NXPH1: variants seen among roughly 807,000 people sequenced by gnomAD.
The protein encoded by NXPH1 is neurexophilin 1.
Under a neutral mutation model 23.7 loss-of-function variants are expected in NXPH1, and 5 were observed. That is an observed-to-expected ratio of 0.21 (90% CI 0.11 to 0.44). The LOEUF (loss-of-function observed/expected upper bound fraction) is 0.44. Among genes scored for constraint, NXPH1 ranks in the 20% least tolerant of loss-of-function variants. The pLI is 0.99. For missense variants in NXPH1, 324 were observed against 321.6 expected, an observed-to-expected ratio of 1.01 and a Z score of -0.06; for synonymous variants, 144 against 122.2, an observed-to-expected ratio of 1.18 and a Z score of -1.18.
chr7:8,525,138 G>A (rs909322885), intron 2 of NXPH1, among the ~76,000 whole-genome samples: 1 of 151,916 alleles, frequency 6.6e-6, no homozygotes, highest in Non-Finnish European at 1.5e-5. Context: ...AAAATTTAGG[G>A]TGAGGTGGTC....
chr7:8,737,138 T>C (rs920433507), intron 2 of NXPH1, among the ~76,000 whole-genome samples: 1 of 152,152 alleles, frequency 6.6e-6, no homozygotes, highest in Non-Finnish European at 1.5e-5. Flanking sequence ...ACATTTAAAG[T>C]TAATATTGTT....
chr7:8,567,630 T>A (rs1036660204), intron 2 of NXPH1, among the ~76,000 whole-genome samples: 4 of 151,952 alleles, frequency 2.6e-5, no homozygotes, highest in African/African-American at 9.7e-5. Context: ...TTTAGACTTA[T>A]GCCACATCTT....
chr7:8,696,184 G>A (rs781454012), intron 2 of NXPH1, among the ~76,000 whole-genome samples: 10 of 152,178 alleles, frequency 6.6e-5, no homozygotes, highest in South Asian at 2.1e-4. Flanking sequence ...ACTAACTTAC[G>A]TTTTCTGGTG....
At chr7:8,516,978 T>C (rs547951544) in intron 2 of NXPH1, among the ~76,000 whole-genome samples, 5 of 152,268 alleles carry the variant, frequency 3.3e-5, no homozygotes, top group Non-Finnish European at 5.9e-5. Context: ...GGATTCATCA[T>C]TGAACATCTA....
intron 2 of NXPH1, among the ~76,000 whole-genome samples, chr7:8,529,699 A>G (rs866094080): frequency 6.6e-6 from 1 of 152,232 alleles, no homozygotes; most frequent in African/African-American, 2.4e-5. Flanking sequence ...AGCTTAGCTT[A>G]TAGGGATGCC....
rs77313639 is a variant in NXPH1 at position 8,711,026 on chromosome 7, C to A, written c.55-39982C>A. The stretch of plus-strand genomic sequence containing the variant: ...GGAAAGTAGATTTTATTTCCTACAT[C>A]TTTCTGCTATAGCTCTATCCTCAGC... On this transcript the variant is annotated intron_variant, in intron 2 of 2. Transcript: ENST00000405863. Among the ~76,000 whole-genome samples, 1,260 of 152,250 alleles carry A rather than the reference C, an allele frequency of 8.3e-3. 19 individuals carry two copies. Among genetic ancestry groups the A allele is most frequent in the African/African-American group, 0.029 (1,186 of 41,530 alleles).
chr7:8,714,280 C>T (rs1779843455), intron 2 of NXPH1, among the ~76,000 whole-genome samples: 1 of 151,976 alleles, frequency 6.6e-6, no homozygotes, highest in Non-Finnish European at 1.5e-5. Context: ...CCCAAGGGCT[C>T]TTTACTCGGC....
chr7:8,524,755 C>T (rs1049285780), intron 2 of NXPH1, among the ~76,000 whole-genome samples: 1 of 152,108 alleles, frequency 6.6e-6, no homozygotes, highest in African/African-American at 2.4e-5. Flanking sequence ...CAGGGGTTTC[C>T]ACTTTTGCTT....
chr7:8,556,159 A>T (rs1032530940), intron 2 of NXPH1, among the ~76,000 whole-genome samples: 1 of 151,676 alleles, frequency 6.6e-6, no homozygotes, highest in Non-Finnish European at 1.5e-5. Context: ...AAGTATCTTT[A>T]TAATGGGCCC....
intron 2 of NXPH1, among the ~76,000 whole-genome samples, chr7:8,715,214 T>C (rs1022460186): frequency 2.6e-5 from 4 of 152,174 alleles, no homozygotes; most frequent in Non-Finnish European, 5.9e-5. Context: ...GGCAGCACTG[T>C]GTTCCAATGC....
Position 8,442,046 on chromosome 7 carries a change from C to T in NXPH1, c.54+6279C>T, listed in dbSNP as rs1816309956. 6.6e-6 allele frequency among the ~76,000 whole-genome samples: 1 copy of T among 152,066 alleles called. No homozygotes were observed. Among genetic ancestry groups the T allele is most frequent in the Non-Finnish European group, 1.5e-5 (1 of 68,024 alleles). On this transcript the variant is annotated intron_variant, in intron 2 of 2. Coordinates refer to ENST00000405863, the MANE Select transcript of NXPH1 (RefSeq NM_152745.3). This position sits in a 1 kb window ranked among gnomAD's most constrained non-coding sequence, Gnocchi z 4.6. ...TGGAAAGCGAGATGGCGTTGGGAGC[C>T]AGGGCGTTGGGACGGCACAAGCAGT...
intron 2 of NXPH1, among the ~76,000 whole-genome samples, chr7:8,635,811 G>T (rs1820210901): frequency 6.6e-6 from 1 of 152,030 alleles, no homozygotes; most frequent in African/African-American, 2.4e-5. Flanking sequence ...AAAAAAGTTT[G>T]GTCCAACTGA....
chr7:8,572,894 G>A (rs559679104), intron 2 of NXPH1, among the ~76,000 whole-genome samples: 14 of 151,824 alleles, frequency 9.2e-5, no homozygotes, highest in Non-Finnish European at 1.3e-4. Flanking sequence ...ACAGAGGGCA[G>A]CATGAGAGCA....
chr7:8,528,308 G>C (rs150935093), intron 2 of NXPH1, among the ~76,000 whole-genome samples: 2,318 of 152,330 alleles, frequency 0.015, 31 homozygotes, highest in South Asian at 0.05. Flanking sequence ...AATGGCTCTG[G>C]GGGGAGCCAG....
At chr7:8,619,771 A>G (rs1819825360) in intron 2 of NXPH1, among the ~76,000 whole-genome samples, 1 of 152,210 alleles carries the variant, frequency 6.6e-6, no homozygotes, top group Non-Finnish European at 1.5e-5. Flanking sequence ...GTAGTTTACA[A>G]AATATACTAA....
chr7:8,627,750 A>G (rs1377255017), intron 2 of NXPH1, among the ~76,000 whole-genome samples: 1 of 152,138 alleles, frequency 6.6e-6, no homozygotes, highest in Non-Finnish European at 1.5e-5. Context: ...AAAAATAACC[A>G]TTTTAAAAGC....
intron 2 of NXPH1, among the ~76,000 whole-genome samples, chr7:8,523,748 C>G (rs148386491): frequency 7.9e-5 from 12 of 152,216 alleles, no homozygotes; most frequent in Admixed American, 2.6e-4. Flanking sequence ...TGAGTTAAAC[C>G]TAAATTTCTC....
intron 2 of NXPH1, among the ~76,000 whole-genome samples, chr7:8,482,660 C>T (rs1312834511): frequency 6.6e-6 from 1 of 152,194 alleles, no homozygotes; most frequent in East Asian, 1.9e-4. Flanking sequence ...CAATAATGCT[C>T]ATGGTCATTG....
At chr7:8,511,354 A>T (rs561603051) in intron 2 of NXPH1, among the ~76,000 whole-genome samples, 1 of 152,118 alleles carries the variant, frequency 6.6e-6, no homozygotes, top group Admixed American at 6.5e-5. Flanking sequence ...ACAATTTTGC[A>T]TTTCCTTTCT....
Sources: allele counts gnomAD v4.1 joint callset (sites outside exome capture counted in the v4.1 genomes callset), GRCh38; gene constraint gnomAD v4.1.1; non-coding constraint Gnocchi (gnomAD v3.1); transcripts MANE v1.5; gene names NCBI Gene and HGNC (gene_info 2026-07-23, HGNC 2026-07-21).